The following YIPF4 variants were observed in gnomAD, a reference collection of about 807,000 sequenced individuals.
The protein encoded by YIPF4 is protein YIPF4.
YIPF4 carries 18 observed loss-of-function variants against 29.4 expected under a neutral mutation model. That is an observed-to-expected ratio of 0.61 (90% CI 0.42 to 0.91). YIPF4 has a LOEUF of 0.91. Ranked by LOEUF, YIPF4 falls within the 40% of genes least tolerant of loss-of-function variation. The pLI, the probability that YIPF4 is intolerant of heterozygous loss-of-function variation, is 0.00. For synonymous variants in YIPF4, 115 were observed against 104.7 expected (o/e 1.10, Z -0.60); for missense variants, 279 against 282.7 (o/e 0.99, Z 0.09).
chr2:32,309,166 A>C lies in YIPF4; in HGVS notation c.*3540A>C, dbSNP rs1406535335. 1 of 152,202 alleles carries C rather than the reference A, an allele frequency of 6.6e-6. No individual in the cohort carries two copies. Among genetic ancestry groups the C allele is most frequent in the East Asian group, 1.9e-4 (1 of 5,206 alleles). The allele number at this position is 152,202 out of a possible 1,614,324, so 9.4% of individuals were successfully genotyped here. A position where few individuals can be genotyped will look rare whatever the true frequency, so the allele number is the denominator to read the frequency against. Reference sequence around the variant, plus strand: ...GGTCTGTAAGACAGTTTTATATGTAATAATGTGTCCATTTCCAGGAATTCC... The same window carrying C: ...GGTCTGTAAGACAGTTTTATATGTACTAATGTGTCCATTTCCAGGAATTCC... On this transcript the variant is annotated 3_prime_UTR_variant, in exon 6 of 6. Transcript: ENST00000238831.
intron 1 of YIPF4, among the ~76,000 whole-genome samples, chr2:32,278,760 A>T (rs2030234324): frequency 6.6e-6 from 1 of 152,048 alleles, no homozygotes; most frequent in South Asian, 2.1e-4. Context: ...CGCATTTTGT[A>T]ATGTTTCACC....
At chr2:32,301,038 T>A (rs2031386335) in intron 4 of YIPF4, among the ~76,000 whole-genome samples, 1 of 152,184 alleles carries the variant, frequency 6.6e-6, no homozygotes. Context: ...ATGGGATGGT[T>A]GTAGTCCCTT....
At position 32,311,412 on chromosome 2, in the gene YIPF4, G is replaced by A. The variant is rs1181179469; in HGVS notation, c.*5786G>A. The A allele has an allele frequency of 1.3e-5, 2 of 152,226 alleles. No individual in the cohort carries two copies. The highest frequency in any genetic ancestry group is 2.9e-5 in the Non-Finnish European group (2 of 68,042). 9.4% of individuals were successfully genotyped at this position (152,226 alleles called of 1,614,324 possible). A position where few individuals can be genotyped will look rare whatever the true frequency, so the allele number is the denominator to read the frequency against. ...TACATTAGAGAAAGAATATAGGGAAGATGGCAGTGGTAAAACATTTCCCTG... is the reference window on the plus strand; with the variant it reads ...TACATTAGAGAAAGAATATAGGGAAAATGGCAGTGGTAAAACATTTCCCTG... On this transcript the variant is annotated 3_prime_UTR_variant, in exon 6 of 6. Coordinates refer to ENST00000238831, the MANE Select transcript of YIPF4 (RefSeq NM_032312.4).
chr2:32,313,469 G>A lies in YIPF4; in HGVS notation c.*7843G>A, dbSNP rs2031760398. ...TGCAACCTCTGCCTCCCAGGTTCAA[G>A]TGATTCTCCTGCCTCAGCCTCCCAA... On this transcript the variant is annotated 3_prime_UTR_variant, in exon 6 of 6. Coordinates refer to ENST00000238831, the MANE Select transcript of YIPF4 (RefSeq NM_032312.4). 1 of 152,058 alleles carries A rather than the reference G, an allele frequency of 6.6e-6. No individual in the cohort carries two copies. Among genetic ancestry groups the A allele is most frequent in the Non-Finnish European group, 1.5e-5 (1 of 68,040 alleles). The allele number at this position is 152,058 out of a possible 1,614,324, so 9.4% of individuals were successfully genotyped here. A position where few individuals can be genotyped will look rare whatever the true frequency, so the allele number is the denominator to read the frequency against.
At chr2:32,282,761 CAT>C (rs1377074513) in intron 1 of YIPF4, among the ~76,000 whole-genome samples, 1 of 151,840 alleles carries the variant, frequency 6.6e-6, no homozygotes. Context: ...TCATTTTCCT[CAT>C]ATACAAATTG....
At chr2:32,303,888 C>G (rs1445825284) in intron 5 of YIPF4, among the ~76,000 whole-genome samples, 7 of 152,010 alleles carry the variant, frequency 4.6e-5, no homozygotes, top group Admixed American at 6.6e-5. Context: ...ACTCACTTAC[C>G]ATCATTTCCT....
At chr2:32,280,383 ATT>A (rs1223011054) in intron 1 of YIPF4, among the ~76,000 whole-genome samples, 7 of 123,898 alleles carry the variant, frequency 5.6e-5, no homozygotes, top group Admixed American at 2.5e-4. Context: ...GCCCAGGCTA[ATT>A]TTTTTTTTTT....
At position 32,305,576 on chromosome 2, in the gene YIPF4, C is replaced by G. The variant is rs1051007803; in HGVS notation, c.685C>G (p.Pro229Ala). Residue 229 changes from proline (P) to alanine (A), a missense_variant, in exon 6 of 6, where the codon CCA becomes GCA. By Grantham distance (27) the Pro-to-Ala change is conservative. Coordinates refer to ENST00000238831, the MANE Select transcript of YIPF4 (RefSeq NM_032312.4). ...FKTKKPLLIYPIFLLYIYFLS... is the reference protein window; with the variant it reads ...FKTKKPLLIYAIFLLYIYFLS... Reference sequence around the variant, plus strand: ...GACCAAAAAGCCTCTTCTGATTTATCCAATCTTTTTATTATACATTTATTT... The same window carrying G: ...GACCAAAAAGCCTCTTCTGATTTATGCAATCTTTTTATTATACATTTATTT... 6 of 1,609,138 alleles carry G rather than the reference C, an allele frequency of 3.7e-6. No homozygotes were observed. Among genetic ancestry groups the G allele is most frequent in the Non-Finnish European group, 3.4e-6 (4 of 1,177,816 alleles).
chr2:32,305,771 A>G lies in YIPF4; in HGVS notation c.*145A>G, dbSNP rs1024669907. The G allele has an allele frequency of 4.0e-6, 5 of 1,241,032 alleles. No homozygotes were observed. The African/African-American group carries it at 7.8e-5, about 19-fold the overall frequency. The allele number at this position is 1,241,032 out of a possible 1,614,324, so 76.9% of individuals were successfully genotyped here. A position where few individuals can be genotyped will look rare whatever the true frequency, so the allele number is the denominator to read the frequency against. On this transcript the variant is annotated 3_prime_UTR_variant, in exon 6 of 6. Transcript: ENST00000238831. ...GGAAGTCTAAGCGCTTTTTAAAACA[A>G]TTTTTTTTTGTATTTAATTAAGCAA... is the stretch of plus-strand genomic sequence containing the variant.
Position 32,306,151 on chromosome 2 carries a change from C to A in YIPF4, c.*525C>A. On this transcript the variant is annotated 3_prime_UTR_variant, in exon 6 of 6. Transcript: ENST00000238831. ...CTGATGCACAAACTTTTTAATTTGGCCATTAATCTTTTTTATTTAAAAATT... is the reference window on the plus strand; with the variant it reads ...CTGATGCACAAACTTTTTAATTTGGACATTAATCTTTTTTATTTAAAAATT... 1.3e-6 allele frequency: 1 copy of A among 794,660 alleles called. No homozygotes were observed. The highest frequency in any genetic ancestry group is 1.5e-6 in the Non-Finnish European group (1 of 656,440). 49.2% of individuals were successfully genotyped at this position (794,660 alleles called of 1,614,324 possible).
intron 1 of YIPF4, among the ~76,000 whole-genome samples, chr2:32,288,453 A>C (rs1460222018): frequency 6.6e-6 from 1 of 152,170 alleles, no homozygotes; most frequent in Non-Finnish European, 1.5e-5. Context: ...TCATAACTGC[A>C]AAACCTCTAA....
At chr2:32,290,433 T>G in intron 1 of YIPF4, 50 bp from the exon 2 acceptor site, 2 of 1,325,286 alleles carry the variant, frequency 1.5e-6, no homozygotes, top group Non-Finnish European at 9.8e-7. Flanking sequence ...TTGGTTAAGA[T>G]TCACATGTTG....
chr2:32,288,582 G>A (rs1321998276), intron 1 of YIPF4, among the ~76,000 whole-genome samples: 1 of 152,072 alleles, frequency 6.6e-6, no homozygotes, highest in Non-Finnish European at 1.5e-5. Context: ...GGCCAGGGTG[G>A]GCAGATTATC....
At chr2:32,284,543 T>C (rs1308630676) in intron 1 of YIPF4, among the ~76,000 whole-genome samples, 2 of 152,186 alleles carry the variant, frequency 1.3e-5, no homozygotes, top group Admixed American at 6.6e-5. Context: ...CCTCTGGCCA[T>C]GTAAAACTGC....
chr2:32,278,105 T>C lies in YIPF4; in HGVS notation c.-51T>C, dbSNP rs2030180851. 6.6e-7 allele frequency: 1 copy of C among 1,512,668 alleles called. No homozygotes were observed. Among genetic ancestry groups the C allele is most frequent in the Non-Finnish European group, 8.9e-7 (1 of 1,123,468 alleles). The allele number at this position is 1,512,668 out of a possible 1,614,324, so 93.7% of individuals were successfully genotyped here. A position where few individuals can be genotyped will look rare whatever the true frequency, so the allele number is the denominator to read the frequency against. The stretch of plus-strand genomic sequence containing the variant: ...TCGCCGCCGCGGCCGCCTCGGGGTC[T>C]GGGCCCAGCCGCAGCCTCTTCTACC... On this transcript the variant is annotated 5_prime_UTR_variant, in exon 1 of 6. Coordinates refer to ENST00000238831, the MANE Select transcript of YIPF4 (RefSeq NM_032312.4).
intron 3 of YIPF4, among the ~76,000 whole-genome samples, chr2:32,295,440 A>G (rs1454098598): frequency 6.6e-6 from 1 of 152,136 alleles, no homozygotes; most frequent in East Asian, 1.9e-4. Context: ...TAAGATCAAA[A>G]TGTCTACAGG....
chr2:32,301,512 G>T lies in YIPF4; in HGVS notation c.597+17G>T, dbSNP rs1337272024. 1 of 1,520,432 alleles carries T rather than the reference G, an allele frequency of 6.6e-7. No homozygotes were observed. The highest frequency in any genetic ancestry group is 1.4e-5 in the African/African-American group (1 of 72,710). 94.2% of individuals were successfully genotyped at this position (1,520,432 alleles called of 1,614,324 possible). A position where few individuals can be genotyped will look rare whatever the true frequency, so the allele number is the denominator to read the frequency against. On this transcript the variant is annotated intron_variant, in intron 5 of 5. Transcript: ENST00000238831. ...CTTATAAAAGTAAGTTAAGGATTAT[G>T]TATTACATAGTTTACTGTTTTCCAA...
chr2:32,313,339 A>G lies in YIPF4; in HGVS notation c.*7713A>G, dbSNP rs1167436331. On this transcript the variant is annotated 3_prime_UTR_variant, in exon 6 of 6. Coordinates refer to ENST00000238831, the MANE Select transcript of YIPF4 (RefSeq NM_032312.4). ...GAAATTGAACAGGTATGTCAGCACC[A>G]TACCTGACATTCTAGGCCATTCTTT... is the stretch of plus-strand genomic sequence containing the variant. The G allele has an allele frequency of 6.6e-6, 1 of 152,218 alleles. No individual in the cohort carries two copies. Among genetic ancestry groups the G allele is most frequent in the African/African-American group, 2.4e-5 (1 of 41,458 alleles). 9.4% of individuals were successfully genotyped at this position (152,218 alleles called of 1,614,324 possible).
At chr2:32,303,482 G>GAAC (rs2031475672) in intron 5 of YIPF4, among the ~76,000 whole-genome samples, 1 of 152,176 alleles carries the variant, frequency 6.6e-6, no homozygotes, top group Non-Finnish European at 1.5e-5. Context: ...GCCGAGGCAG[G>GAAC]TGGATCAGTT....
Sources: allele counts gnomAD v4.1 joint callset (sites outside exome capture counted in the v4.1 genomes callset), GRCh38; gene constraint gnomAD v4.1.1; transcripts MANE v1.5; gene names NCBI Gene and HGNC (gene_info 2026-07-23, HGNC 2026-07-21).